Variants in WARS2 observed in about 807,000 individuals in gnomAD.
The protein encoded by WARS2 is tryptophan--tRNA ligase, mitochondrial.
A neutral mutation model predicts 36.5 loss-of-function variants in WARS2; 28 were observed. The ratio of observed to expected loss-of-function variants is 0.77; its 90% CI spans 0.57 to 1.05. The LOEUF (loss-of-function observed/expected upper bound fraction) is 1.05. Ranked by LOEUF, WARS2 falls within the 50% of genes least tolerant of loss-of-function variation. The probability of loss-of-function intolerance (pLI) is 0.00; values close to 1 mark genes in which losing one functional copy is unlikely to be tolerated. For synonymous variants in WARS2, 174 were observed against 178.4 expected (o/e 0.98, Z 0.20); for missense variants, 435 against 456.8 (o/e 0.95, Z 0.44).
intron 2 of WARS2, among the ~76,000 whole-genome samples, chr1:119,048,731 A>G (rs1332739006): frequency 6.6e-6 from 1 of 152,138 alleles, no homozygotes; most frequent in Non-Finnish European, 1.5e-5. Context: ...ATTTTCCAAG[A>G]TCACCTTGGT....
In WARS2 at chr1:119,042,817, C is replaced by G. The variant is rs1386161673; in HGVS notation, c.430-468G>C. 2.0e-5 allele frequency among the ~76,000 whole-genome samples: 3 copies of G among 152,026 alleles called. No homozygotes were observed. The East Asian group carries it at 5.8e-4, about 29-fold the overall frequency. Reference sequence around the variant, plus strand: ...GAAAACTGGAATGTTCCCTTAAAATCACATTTAAATAACAAAAAACAAAAA... The same window carrying G: ...GAAAACTGGAATGTTCCCTTAAAATGACATTTAAATAACAAAAAACAAAAA... On this transcript the variant is annotated intron_variant, in intron 3 of 5. Coordinates refer to ENST00000235521, the MANE Select transcript of WARS2 (RefSeq NM_015836.4).
At chr1:119,140,431 C>A in intron 1 of WARS2, 124 bp downstream of exon 1, 1 of 835,076 alleles carries the variant, frequency 1.2e-6, no homozygotes, top group Non-Finnish European at 1.9e-6. Context: ...ACGAGTAGAC[C>A]TTAGGCGAGG....
At chr1:119,064,848 A>G (rs945167715) in intron 2 of WARS2, 3 of 150,602 alleles carry the variant, frequency 2.0e-5, no homozygotes, top group African/African-American at 7.5e-5. Flanking sequence ...TACAGTATAT[A>G]CCTATCTTAA....
In WARS2 at chr1:119,045,593, G is replaced by A. The variant is rs1648725342; in HGVS notation, c.418C>T (p.His140Tyr). The A allele has an allele frequency of 3.1e-6, 5 of 1,593,102 alleles. No individual in the cohort carries two copies. Among genetic ancestry groups the A allele is most frequent in the South Asian group, 2.3e-5 (2 of 88,650 alleles). ...TTACTGGCATTTACCTTCCACTGAT[G>A]TAAATGTTGTAATCGAGGTAGTCTG... ...MVRLPRLQHL[H>Y]QWKAKTTKQK... is the part of the protein sequence containing the mutation. Residue 140 changes from histidine (H) to tyrosine (Y), a missense_variant, in exon 3 of 6, where the codon CAT becomes TAT. By Grantham distance (83) the His-to-Tyr change is moderately conservative (BLOSUM62 2). Transcript: ENST00000235521.
At chr1:119,140,498 G>T in intron 1 of WARS2, 57 bp downstream of exon 1, 1 of 1,520,208 alleles carries the variant, frequency 6.6e-7, no homozygotes, top group Non-Finnish European at 9.1e-7. Context: ...AGGGCAGTGG[G>T]ATGAGAAGAA....
chr1:119,047,274 T>A (rs1310240985), intron 2 of WARS2: 1 of 81,622 alleles, frequency 1.2e-5, no homozygotes, highest in South Asian at 3.3e-4. Context: ...CATGAAGAAG[T>A]AGGAGAGAAT....
At chr1:119,034,933 C>T (rs1414450290) in intron 4 of WARS2, among the ~76,000 whole-genome samples, 1 of 152,128 alleles carries the variant, frequency 6.6e-6, no homozygotes, top group African/African-American at 2.4e-5. Flanking sequence ...ATACTGGAAG[C>T]TCCTCCCCAA....
At chr1:119,115,609 G>A (rs587752076) in intron 1 of WARS2, among the ~76,000 whole-genome samples, 31 of 152,230 alleles carry the variant, frequency 2.0e-4, no homozygotes, top group South Asian at 1.0e-3. Flanking sequence ...GTGAAGGCTG[G>A]CTCCCCTATG....
intron 2 of WARS2, among the ~76,000 whole-genome samples, chr1:119,047,866 A>C (rs1450510963): frequency 6.6e-6 from 1 of 152,260 alleles, no homozygotes; most frequent in Non-Finnish European, 1.5e-5. Flanking sequence ...ACAAGTCAGC[A>C]GTGATGAGTA....
chr1:119,072,471 T>C (rs1292435814), intron 2 of WARS2, among the ~76,000 whole-genome samples: 1 of 152,080 alleles, frequency 6.6e-6, no homozygotes, highest in Non-Finnish European at 1.5e-5. Flanking sequence ...ACAGAAAACT[T>C]GATCAATACA....
intron 1 of WARS2, among the ~76,000 whole-genome samples, chr1:119,078,019 T>C (rs964067190): frequency 3.3e-5 from 5 of 152,178 alleles, no homozygotes; most frequent in Admixed American, 6.5e-5. Context: ...TTTTAATACC[T>C]AATATGGTAG....
intron 2 of WARS2, among the ~76,000 whole-genome samples, chr1:119,051,464 C>T (rs1016356305): frequency 9.9e-5 from 15 of 152,020 alleles, no homozygotes; most frequent in Non-Finnish European, 5.9e-5. Context: ...AGGTTGATTC[C>T]GTCTTTGCTA....
intron 1 of WARS2, among the ~76,000 whole-genome samples, chr1:119,110,727 A>G (rs905636924): frequency 3.3e-5 from 5 of 152,056 alleles, no homozygotes; most frequent in African/African-American, 7.2e-5. Context: ...TTATTCAAAT[A>G]TTGATTCTGT....
chr1:119,102,209 T>TTTGTTGTG (rs1557981358), intron 1 of WARS2, among the ~76,000 whole-genome samples: 1 of 152,202 alleles, frequency 6.6e-6, no homozygotes, highest in Non-Finnish European at 1.5e-5. Flanking sequence ...AGTCATGAAA[T>TTTGTTGTG]AGTAATTCCC....
At chr1:119,098,173 C>T (rs1653585241) in intron 1 of WARS2, among the ~76,000 whole-genome samples, 1 of 151,992 alleles carries the variant, frequency 6.6e-6, no homozygotes, top group Non-Finnish European at 1.5e-5. Context: ...CGCTTGAACC[C>T]AGGAGGTGGA....
chr1:119,091,771 G>A (rs1286220781), intron 1 of WARS2, among the ~76,000 whole-genome samples: 1 of 152,158 alleles, frequency 6.6e-6, no homozygotes, highest in African/African-American at 2.4e-5. Context: ...AGGAATCACT[G>A]CTGACATGTG....
At chr1:119,039,097 A>C (rs1648128737) in intron 4 of WARS2, among the ~76,000 whole-genome samples, 1 of 152,220 alleles carries the variant, frequency 6.6e-6, no homozygotes. Flanking sequence ...AATCTCTCTG[A>C]AACTTCATTT....
At chr1:119,132,317 A>G (rs1656172085) in intron 1 of WARS2, among the ~76,000 whole-genome samples, 1 of 152,116 alleles carries the variant, frequency 6.6e-6, no homozygotes, top group South Asian at 2.1e-4. Context: ...GAGTAGCTGG[A>G]AGGTTGCCAG....
At chr1:119,113,869 C>T (rs1416901448) in intron 1 of WARS2, among the ~76,000 whole-genome samples, 2 of 152,124 alleles carry the variant, frequency 1.3e-5, no homozygotes, top group South Asian at 2.1e-4. Flanking sequence ...CAGCACACCT[C>T]TAGCTCTTTT....
Sources: gnomAD v4.1 joint callset for allele counts (sites outside exome capture counted in the v4.1 genomes callset) on GRCh38, gnomAD v4.1.1 for gene constraint, MANE v1.5 for transcripts, NCBI Gene and HGNC (gene_info 2026-07-23, HGNC 2026-07-21) for gene names.